BICRA: variants seen among roughly 807,000 people sequenced by gnomAD.
BICRA encodes BRD4-interacting chromatin-remodeling complex-associated protein.
Under a neutral mutation model 96.9 loss-of-function variants are expected in BICRA, and 31 were observed. The ratio of observed to expected loss-of-function variants is 0.32; its 90% CI spans 0.24 to 0.43. BICRA has a LOEUF of 0.43. BICRA is among the 20% of genes least tolerant of loss of function. BICRA has a pLI of 1.00. For synonymous variants in BICRA, 1,350 were observed against 1,071.8 expected, an observed-to-expected ratio of 1.26 and a Z score of -5.07; for missense variants, 2,283 against 2,190.3, an observed-to-expected ratio of 1.04 and a Z score of -0.84.
chr19:47,685,739 C>CTGTGTG (rs1973135463), intron 7 of BICRA, among the ~76,000 whole-genome samples: 1 of 97,362 alleles, frequency 1.0e-5, no homozygotes, highest in Admixed American at 9.9e-5. Flanking sequence ...ATTTGGCAGC[C>CTGTGTG]TCTGTGTGTG....
rs149701984 is a variant in BICRA, at chr19:47,674,172, C to T, written c.84+410C>T. ...TCACAGGGAGGTAGGTGGCCAGGCC[C>T]GGTGCTCCTGGCAGAGGGAAGAGCA... On this transcript the variant is annotated intron_variant, in intron 4 of 14. Transcript: ENST00000594866. Among the ~76,000 whole-genome samples, 119 of 152,120 alleles carry T rather than the reference C, an allele frequency of 7.8e-4. 1 individual carries two copies. The highest frequency in any genetic ancestry group is 2.2e-3 in the African/African-American group (92 of 41,494).
At chr19:47,689,042 G>A (rs970135986) in intron 7 of BICRA, among the ~76,000 whole-genome samples, 3 of 151,962 alleles carry the variant, frequency 2.0e-5, no homozygotes, top group African/African-American at 7.2e-5. Context: ...GGCCAGGCTG[G>A]TCTTGGACTC....
chr19:47,679,357 C>T lies in BICRA; in HGVS notation c.187C>T (p.Pro63Ser). The T allele has an allele frequency of 7.0e-7, 1 of 1,434,648 alleles. No individual in the cohort carries two copies. 88.9% of individuals were successfully genotyped at this position (1,434,648 alleles called of 1,614,324 possible). A position where few individuals can be genotyped will look rare whatever the true frequency, so the allele number is the denominator to read the frequency against. Residue 63 changes from proline to serine, a missense_variant, in exon 6 of 15, where the codon CCA (proline) becomes TCA (serine). Coordinates refer to ENST00000594866, the MANE Select transcript of BICRA (RefSeq NM_001394372.1). ...VQEASGNHLNPEPNQPAPSVD... is the reference protein window; with the variant it reads ...VQEASGNHLNSEPNQPAPSVD... ...AGAAGCTTCCGGCAACCACCTGAAC[C>T]CAGAGCCCAACCAGCCGGCCCCCAG...
chr19:47,644,730 G>A (rs1281324741), intron 1 of BICRA, among the ~76,000 whole-genome samples: 1 of 152,028 alleles, frequency 6.6e-6, no homozygotes, highest in East Asian at 1.9e-4. Context: ...CAAACTCCTG[G>A]CCTCAAGTGA....
Position 47,702,480 on chromosome 19 carries a change from C to T in BICRA, c.*65C>T, listed in dbSNP as rs1973481382. 2.1e-6 allele frequency: 3 copies of T among 1,402,358 alleles called. No individual in the cohort carries two copies. Among genetic ancestry groups the T allele is most frequent in the South Asian group, 3.1e-5 (2 of 64,526 alleles). The allele number at this position is 1,402,358 out of a possible 1,614,324, so 86.9% of individuals were successfully genotyped here. On this transcript the variant is annotated 3_prime_UTR_variant, in exon 15 of 15. Transcript: ENST00000594866. ...GACGCCGGGACAGTCGGGTGTCCGC[C>T]CTCAGCCTCCTGGGGACTCGAGCCG...
chr19:47,700,929 T>G, intron 14 of BICRA: 1 of 222,242 alleles, frequency 4.5e-6, no homozygotes, highest in Non-Finnish European at 8.6e-6. Flanking sequence ...ACTTCATATT[T>G]TATTTATTGT....
At position 47,702,002 on chromosome 19, in the gene BICRA, G is replaced by A; in HGVS notation, c.4270G>A (p.Ala1424Thr). ...PAPLPAKVDEATSGLIRELAA... is the reference protein window; with the variant it reads ...PAPLPAKVDETTSGLIRELAA... ...GCCGCTGCCCGCCAAAGTGGACGAGGCCACCAGCGGGCTCATCCGCGAGCT... is the reference window on the plus strand; with the variant it reads ...GCCGCTGCCCGCCAAAGTGGACGAGACCACCAGCGGGCTCATCCGCGAGCT... The change falls in exon 15 of 15, where the codon GCC (alanine) becomes ACC (threonine). Residue 1424 changes from alanine (A) to threonine (T), a missense_variant. Coordinates refer to ENST00000594866, the MANE Select transcript of BICRA (RefSeq NM_001394372.1). 1 of 1,485,796 alleles carries A rather than the reference G, an allele frequency of 6.7e-7. No individual in the cohort carries two copies. The highest frequency in any genetic ancestry group is 1.3e-5 in the South Asian group (1 of 78,764). 92.0% of individuals were successfully genotyped at this position (1,485,796 alleles called of 1,614,324 possible).
In BICRA at chr19:47,679,521, G is replaced by A. The variant is rs1383142465; in HGVS notation, c.351G>A (p.Thr117=). The A allele has an allele frequency of 1.8e-5, 28 of 1,547,642 alleles. No homozygotes were observed. In the Admixed American group the frequency reaches 3.9e-4, roughly 22 times the overall value. ...SLQEANITEQ[T]LEAEAELDLG... is the part of the protein sequence containing the mutation. The stretch of plus-strand genomic sequence containing the variant: ...AAGAGGCCAACATCACGGAGCAGAC[G>A]CTGGAGGCCGAGGCTGAGCTGGACC... Residue 117 remains threonine, a synonymous_variant, in exon 6 of 15, where the codon ACG becomes ACA. Transcript: ENST00000594866.
At chr19:47,685,786 T>TGTGTGTGTGTGTGTGTGTGCGCGC in intron 7 of BICRA, among the ~76,000 whole-genome samples, 10 of 117,968 alleles carry the variant, frequency 8.5e-5, no homozygotes, top group African/African-American at 3.6e-4. Context: ...TGTGTGTGTG[T>TGTGTGTGTGTGTGTGTGTGCGCGC]GCGCGCGCGC....
Position 47,702,163 on chromosome 19 carries a change from C to T in BICRA, c.4431C>T (p.Ser1477=), listed in dbSNP as rs761873470. The change falls in exon 15 of 15, where the codon TCC becomes TCT. Residue 1477 remains serine (S), a synonymous_variant. Transcript: ENST00000594866. ...PGLPPAKRRK[S]ESPDVDQASF... Reference sequence around the variant, plus strand: ...TGCCCCCTGCCAAGCGGCGCAAGTCCGAGTCGCCCGACGTGGACCAGGCCA... The same window carrying T: ...TGCCCCCTGCCAAGCGGCGCAAGTCTGAGTCGCCCGACGTGGACCAGGCCA... 4 of 1,567,898 alleles carry T rather than the reference C, an allele frequency of 2.6e-6. No homozygotes were observed. The highest frequency in any genetic ancestry group is 2.6e-6 in the Non-Finnish European group (3 of 1,164,658).
At chr19:47,622,540 C>T (rs1344835404) in intron 1 of BICRA, among the ~76,000 whole-genome samples, 10 of 145,246 alleles carry the variant, frequency 6.9e-5, no homozygotes, top group South Asian at 2.2e-4. Flanking sequence ...CTGGCTAATG[C>T]GGTGAAACCC....
intron 1 of BICRA, among the ~76,000 whole-genome samples, chr19:47,611,002 G>A (rs904208662): frequency 6.6e-6 from 1 of 152,106 alleles, no homozygotes; most frequent in Non-Finnish European, 1.5e-5. Context: ...TACATTACAC[G>A]CTGGCCACAG....
chr19:47,647,520 C>T (rs1051949344), intron 1 of BICRA, among the ~76,000 whole-genome samples: 3 of 152,048 alleles, frequency 2.0e-5, no homozygotes, highest in Non-Finnish European at 2.9e-5. Flanking sequence ...GTTTTGCGGT[C>T]CACCTCTGCC....
rs150350793 is a variant in BICRA at position 47,639,278 on chromosome 19, G to A, written c.-108+30110G>A. ...CCCTCTCTGCCTCCCAAAGTGCTGC[G>A]ATTATAAGTGTGAGCCATGATGCCT... On this transcript the variant is annotated intron_variant, in intron 1 of 14. Transcript: ENST00000594866. Among the ~76,000 whole-genome samples, 10 of 141,290 alleles carry A rather than the reference G, an allele frequency of 7.1e-5. No homozygotes were observed. In the East Asian group the frequency reaches 1.9e-3, roughly 27 times the overall value. 92.7% of individuals were successfully genotyped at this position (141,290 alleles called of 152,430 possible).
At chr19:47,654,980 G>T (rs1972592965) in intron 1 of BICRA, among the ~76,000 whole-genome samples, 1 of 152,012 alleles carries the variant, frequency 6.6e-6, no homozygotes, top group African/African-American at 2.4e-5. Context: ...TATCATATTT[G>T]CAGATTTCAT....
At chr19:47,655,920 A>G (rs1426792053) in intron 1 of BICRA, among the ~76,000 whole-genome samples, 3 of 151,632 alleles carry the variant, frequency 2.0e-5, no homozygotes, top group Non-Finnish European at 4.4e-5. Flanking sequence ...AGTGCCGTCT[A>G]ATGTTTCTAA....
chr19:47,702,529 G>A lies in BICRA; in HGVS notation c.*114G>A. 8.0e-7 allele frequency: 1 copy of A among 1,256,978 alleles called. No individual in the cohort carries two copies. The highest frequency in any genetic ancestry group is 1.0e-6 in the Non-Finnish European group (1 of 965,818). The allele number at this position is 1,256,978 out of a possible 1,614,324, so 77.9% of individuals were successfully genotyped here. A position where few individuals can be genotyped will look rare whatever the true frequency, so the allele number is the denominator to read the frequency against. ...CGGGGATCCCCTGACGGTTTTTCTT[G>A]CCTAAGTTATTTGAGTCACAAAGGC... On this transcript the variant is annotated 3_prime_UTR_variant, in exon 15 of 15. Coordinates refer to ENST00000594866, the MANE Select transcript of BICRA (RefSeq NM_001394372.1).
intron 1 of BICRA, among the ~76,000 whole-genome samples, chr19:47,644,187 A>T (rs11879735): frequency 0.13 from 19,366 of 148,974 alleles, 1,363 homozygotes; most frequent in East Asian, 0.18. Context: ...CCAGCTAATT[A>T]TTTCTTCTTC....
intron 5 of BICRA, among the ~76,000 whole-genome samples, 186 bp downstream of exon 5, chr19:47,676,102 C>T (rs541867139): frequency 6.6e-6 from 1 of 152,188 alleles, no homozygotes; most frequent in South Asian, 2.1e-4. Flanking sequence ...GCTGGGGAAC[C>T]CTGTGGGGGG....
Sources: allele counts gnomAD v4.1 joint callset (sites outside exome capture counted in the v4.1 genomes callset), GRCh38; gene constraint gnomAD v4.1.1; transcripts MANE v1.5; gene names NCBI Gene and HGNC (gene_info 2026-07-23, HGNC 2026-07-21).